GRM3: variants seen among roughly 807,000 people sequenced by gnomAD.
GRM3 encodes metabotropic glutamate receptor 3.
GRM3 carries 26 observed loss-of-function variants against 70.5 expected under a neutral mutation model. That is an observed-to-expected ratio of 0.37 (90% CI 0.27 to 0.51). The LOEUF is 0.51. Ranked by LOEUF, GRM3 falls within the 20% of genes least tolerant of loss-of-function variation. GRM3 has a pLI of 0.93. For missense variants in GRM3, 859 were observed against 1,123.8 expected, an observed-to-expected ratio of 0.76 and a Z score of 3.37; for synonymous variants, 443 against 434.9, an observed-to-expected ratio of 1.02 and a Z score of -0.23.
intron 1 of GRM3, among the ~76,000 whole-genome samples, chr7:86,741,058 A>G (rs762869188): frequency 6.6e-6 from 1 of 152,180 alleles, no homozygotes; most frequent in African/African-American, 2.4e-5. Context: ...ACGTTTTCCC[A>G]TCTAAAATGT....
At chr7:86,841,426 G>C (rs1019909562) in intron 4 of GRM3, among the ~76,000 whole-genome samples, 1 of 152,152 alleles carries the variant, frequency 6.6e-6, no homozygotes, top group East Asian at 1.9e-4. Flanking sequence ...ATGAACTACA[G>C]GGGAGTTGGA....
chr7:86,849,369 G>A (rs888463949), intron 4 of GRM3, among the ~76,000 whole-genome samples: 3 of 152,142 alleles, frequency 2.0e-5, no homozygotes, highest in Non-Finnish European at 4.4e-5. Context: ...GATGGATTAT[G>A]CTTTCAGGAT....
At chr7:86,798,150 G>A (rs1463513792) in intron 3 of GRM3, among the ~76,000 whole-genome samples, 1 of 152,218 alleles carries the variant, frequency 6.6e-6, no homozygotes, top group Non-Finnish European at 1.5e-5. Flanking sequence ...AGTGGAGTAT[G>A]AGCCCCCACA....
rs1400136229 is a variant in GRM3 at position 86,864,631 on chromosome 7, TAAAAAACAAAAAA to T, written c.*296_*308del. On this transcript the variant is annotated 3_prime_UTR_variant, in exon 6 of 6. Coordinates refer to ENST00000361669, the MANE Select transcript of GRM3 (RefSeq NM_000840.3). ...ACAGGGTCTGACATGGTCAGTCTACTAAAAAACAAAAAAAAAAAACAAAAAAAAAAAAACAAAA... is the reference window on the plus strand; with the variant it reads ...ACAGGGTCTGACATGGTCAGTCTACTAAAAAACAAAAAAAAAAAAACAAAA... 64 of 57,036 alleles carry T rather than the reference TAAAAAACAAAAAA, an allele frequency of 1.1e-3. No homozygotes were observed. Among genetic ancestry groups the T allele is most frequent in the South Asian group, 4.8e-3 (7 of 1,468 alleles). 3.5% of individuals were successfully genotyped at this position (57,036 alleles called of 1,614,324 possible).
intron 2 of GRM3, among the ~76,000 whole-genome samples, chr7:86,778,344 CTG>C (rs1434262759): frequency 6.6e-6 from 1 of 152,040 alleles, no homozygotes; most frequent in Non-Finnish European, 1.5e-5. Context: ...AAGCCAATAA[CTG>C]TAAAACTTCT....
At chr7:86,826,675 G>T (rs927785924) in intron 3 of GRM3, among the ~76,000 whole-genome samples, 1 of 152,118 alleles carries the variant, frequency 6.6e-6, no homozygotes, top group Non-Finnish European at 1.5e-5. Context: ...TTCATAAAGG[G>T]TTGAGCTTTT....
chr7:86,661,155 G>C (rs1793882936), intron 1 of GRM3, among the ~76,000 whole-genome samples: 1 of 151,912 alleles, frequency 6.6e-6, no homozygotes, highest in African/African-American at 2.4e-5. Context: ...TGAGACCATG[G>C]ACAGAGGCCT....
intron 1 of GRM3, among the ~76,000 whole-genome samples, chr7:86,732,835 A>T (rs1795765749): frequency 6.6e-6 from 1 of 152,176 alleles, no homozygotes; most frequent in Non-Finnish European, 1.5e-5. Context: ...GTAGCCAAAA[A>T]ACATTTAGCA....
chr7:86,829,009 A>AT (rs1223941386), intron 3 of GRM3, among the ~76,000 whole-genome samples: 4 of 152,220 alleles, frequency 2.6e-5, no homozygotes, highest in Admixed American at 6.5e-5. Context: ...TTGCTCATCC[A>AT]TAAAAAGCAA....
chr7:86,802,692 T>C (rs1239901656), intron 3 of GRM3, among the ~76,000 whole-genome samples: 1 of 152,104 alleles, frequency 6.6e-6, no homozygotes, highest in Non-Finnish European at 1.5e-5. Flanking sequence ...TCTCTCACTC[T>C]AATTACAAAC....
intron 1 of GRM3, among the ~76,000 whole-genome samples, chr7:86,724,416 A>G (rs557827247): frequency 1.3e-5 from 2 of 152,270 alleles, no homozygotes; most frequent in East Asian, 1.9e-4. Context: ...ATATTGTCTA[A>G]CTTTACAGCT....
At chr7:86,645,806 G>T (rs1371156217) in intron 1 of GRM3, among the ~76,000 whole-genome samples, 1 of 151,956 alleles carries the variant, frequency 6.6e-6, no homozygotes, top group Non-Finnish European at 1.5e-5. Flanking sequence ...TCTACTATTT[G>T]AATAGTAATA....
intron 1 of GRM3, among the ~76,000 whole-genome samples, chr7:86,734,558 GAAT>G (rs1795812276): frequency 6.6e-6 from 1 of 152,110 alleles, no homozygotes; most frequent in Non-Finnish European, 1.5e-5. Flanking sequence ...TATTTGTAAA[GAAT>G]AATATCCTCA....
intron 1 of GRM3, among the ~76,000 whole-genome samples, chr7:86,686,227 T>C (rs541635192): frequency 3.9e-5 from 6 of 152,242 alleles, no homozygotes; most frequent in Non-Finnish European, 7.4e-5. Flanking sequence ...TATTTCTCCA[T>C]AGACACGCTC....
chr7:86,812,577 T>C (rs1359127679), intron 3 of GRM3, among the ~76,000 whole-genome samples: 1 of 151,746 alleles, frequency 6.6e-6, no homozygotes, highest in Non-Finnish European at 1.5e-5. Context: ...TGATGATCCA[T>C]TGGTTTCAAA....
intron 2 of GRM3, among the ~76,000 whole-genome samples, chr7:86,780,698 G>A (rs1405117297): frequency 6.6e-6 from 1 of 152,128 alleles, no homozygotes; most frequent in Non-Finnish European, 1.5e-5. Context: ...GATATTTATA[G>A]CTTGAAGCTT....
chr7:86,729,932 C>G (rs1370292246), intron 1 of GRM3, among the ~76,000 whole-genome samples: 4 of 151,394 alleles, frequency 2.6e-5, no homozygotes, highest in African/African-American at 9.7e-5. Flanking sequence ...ATGGTGAAAC[C>G]CTGTCTCTAC....
chr7:86,840,763 A>AATTT (rs1798543752), intron 4 of GRM3, among the ~76,000 whole-genome samples: 1 of 152,120 alleles, frequency 6.6e-6, no homozygotes, highest in Non-Finnish European at 1.5e-5. Flanking sequence ...TCAGAGATTA[A>AATTT]AGTTTTCCAG....
chr7:86,821,591 A>T (rs1798120939), intron 3 of GRM3, among the ~76,000 whole-genome samples: 1 of 152,100 alleles, frequency 6.6e-6, no homozygotes, highest in Non-Finnish European at 1.5e-5. Context: ...TGAGATTCCA[A>T]CTCAGGCAGT....
Sources: gnomAD v4.1 joint callset for allele counts (sites outside exome capture counted in the v4.1 genomes callset) on GRCh38, gnomAD v4.1.1 for gene constraint, MANE v1.5 for transcripts, NCBI Gene and HGNC (gene_info 2026-07-23, HGNC 2026-07-21) for gene names.